TKTL1: variants seen among roughly 807,000 people sequenced by gnomAD.
The protein encoded by TKTL1 is transketolase-like protein 1.
A neutral mutation model predicts 39.3 loss-of-function variants in TKTL1; 1 was observed. The ratio of observed to expected loss-of-function variants is 0.03; its 90% CI spans 0.01 to 0.12. The LOEUF (loss-of-function observed/expected upper bound fraction) is 0.12. Among genes scored for constraint, TKTL1 ranks in the 10% least tolerant of loss-of-function variants. The probability of loss-of-function intolerance (pLI) is 1.00; values close to 1 mark genes in which losing one functional copy is unlikely to be tolerated. For missense variants in TKTL1, 575 were observed against 509.6 expected (o/e 1.13, Z -1.24); for synonymous variants, 262 against 193.8 (o/e 1.35, Z -2.92).
chrX:154,304,916 A>G (rs1489591103), intron 1 of TKTL1: 17 of 807,240 alleles, frequency 2.1e-5, no homozygotes, highest in Non-Finnish European at 2.5e-5. Context: ...TTCACTTCCT[A>G]AAAGAAATTC....
At chrX:154,302,842 G>A (rs2067284262) in intron 1 of TKTL1, among the ~76,000 whole-genome samples, 1 of 111,522 alleles carries the variant, frequency 9.0e-6, no homozygotes, top group African/African-American at 3.3e-5. Context: ...AGAAACGCAG[G>A]AGAAAAGGTC....
At position 154,323,350 on chromosome X, in the gene TKTL1, G is replaced by T. The variant is rs782696591; in HGVS notation, c.1317+13G>T. 1.2e-5 allele frequency: 15 copies of T among 1,209,458 alleles called. No homozygotes were observed. Among genetic ancestry groups the T allele is most frequent in the Non-Finnish European group, 1.7e-5 (15 of 894,446 alleles). On this transcript the variant is annotated intron_variant, in intron 9 of 12. Transcript: ENST00000369915. ...AGCCAATGCCAAGGTATTTTTAAGG[G>T]GACACTAGTTTCAGACAGAAAATGC...
chrX:154,299,699 T>G (rs782571740), intron 1 of TKTL1, among the ~76,000 whole-genome samples: 14 of 111,291 alleles, frequency 1.3e-4, no homozygotes, highest in Non-Finnish European at 2.3e-4. Context: ...ACATACAGTA[T>G]TTGGTTTTCT....
chrX:154,297,413 G>A (rs1215520928), intron 1 of TKTL1, among the ~76,000 whole-genome samples: 1 of 110,448 alleles, frequency 9.1e-6, no homozygotes. Flanking sequence ...CCGCCACCAC[G>A]CCTGGCTAAT....
chrX:154,314,411 G>T (rs1217427301), intron 6 of TKTL1, among the ~76,000 whole-genome samples: 2 of 111,712 alleles, frequency 1.8e-5, no homozygotes, highest in Non-Finnish European at 3.8e-5. Context: ...AATTAGTAAT[G>T]CAGATGACTC....
intron 7 of TKTL1, chrX:154,320,372 G>A (rs1557170321): frequency 5.0e-6 from 1 of 199,863 alleles, no homozygotes; most frequent in Non-Finnish European, 9.2e-6. Context: ...CACCTGAATG[G>A]AAATAGAATG....
At chrX:154,314,365 A>G (rs1311078401) in intron 6 of TKTL1, among the ~76,000 whole-genome samples, 1 of 111,624 alleles carries the variant, frequency 9.0e-6, no homozygotes, top group East Asian at 2.8e-4. Flanking sequence ...CAACTTCATT[A>G]GTACATTAAA....
At chrX:154,325,486 C>A in intron 10 of TKTL1, 64 bp downstream of exon 10, 1 of 925,883 alleles carries the variant, frequency 1.1e-6, no homozygotes, top group Non-Finnish European at 1.6e-6. Flanking sequence ...ACTTCTGAAT[C>A]TATCACCAGC....
chrX:154,323,717 A>G (rs917522445), intron 9 of TKTL1, among the ~76,000 whole-genome samples: 4 of 112,508 alleles, frequency 3.6e-5, no homozygotes, highest in African/African-American at 1.3e-4. Context: ...CCAGAGGCCA[A>G]GAAGCTCCTG....
chrX:154,312,662 G>A lies in TKTL1; in HGVS notation c.753G>A (p.Gln251=), dbSNP rs1557168599. The A allele has an allele frequency of 2.5e-6, 3 of 1,210,113 alleles. No homozygotes were observed. Among genetic ancestry groups the A allele is most frequent in the Non-Finnish European group, 3.4e-6 (3 of 895,224 alleles). Residue 251 remains glutamine, a synonymous_variant, in exon 6 of 13, where the codon CAG becomes CAA. Coordinates refer to ENST00000369915, the MANE Select transcript of TKTL1 (RefSeq NM_012253.4). ...ADAIIKLIES[Q]IQTSRNLDPQ... ...CCATTATCAAATTAATTGAGAGCCA[G>A]ATACAGACCAGCAGGAATCTTGACC...
chrX:154,325,565 C>A, intron 10 of TKTL1, 143 bp downstream of exon 10: 2 of 506,532 alleles, frequency 3.9e-6, no homozygotes, highest in Non-Finnish European at 3.2e-6. Context: ...TGACCTTTAC[C>A]TGCTTTTCCT....
chrX:154,304,765 C>T (rs1229310077), intron 1 of TKTL1, among the ~76,000 whole-genome samples: 3 of 109,922 alleles, frequency 2.7e-5, no homozygotes, highest in Non-Finnish European at 5.7e-5. Flanking sequence ...CCCCTGCTGT[C>T]TTGTCCCCTC....
In TKTL1 at chrX:154,320,784, C is replaced by T. The variant is rs782148972; in HGVS notation, c.1057C>T (p.Arg353Cys). ...GAGCGTGGCTCTGGGCTGTGCCTCCCGTGGACGGACCATTGCTTTTGCTAG... is the reference window on the plus strand; with the variant it reads ...GAGCGTGGCTCTGGGCTGTGCCTCCTGTGGACGGACCATTGCTTTTGCTAG... Reference protein sequence around the residue: ...MVSVALGCASRGRTIAFASTF... With the variant: ...MVSVALGCASCGRTIAFASTF... The change falls in exon 8 of 13, where the codon CGT becomes TGT. Residue 353 changes from arginine (R) to cysteine (C), a missense_variant. Transcript: ENST00000369915. 5.8e-6 allele frequency: 7 copies of T among 1,211,062 alleles called. No homozygotes were observed. Among genetic ancestry groups the T allele is most frequent in the East Asian group, 3.0e-5 (1 of 33,832 alleles).
chrX:154,320,894 C>T lies in TKTL1; in HGVS notation c.1167C>T (p.Ser389=). The change falls in exon 8 of 13, where the codon TCC becomes TCT. Residue 389 remains serine, a synonymous_variant. Transcript: ENST00000369915. ...LAESNINIIG[S]HCGVSVGDDG... The stretch of plus-strand genomic sequence containing the variant: ...AGAGCAACATCAACATTATTGGTTC[C>T]CACTGTGGGGTATCTGTTGGTAAGG... The T allele has an allele frequency of 8.3e-7, 1 of 1,211,607 alleles. No individual in the cohort carries two copies. The highest frequency in any genetic ancestry group is 1.8e-5 in the South Asian group (1 of 56,979).
At chrX:154,325,315 A>G (rs782581175) in intron 9 of TKTL1, 24 bp from the exon 10 acceptor site, 2 of 1,190,318 alleles carry the variant, frequency 1.7e-6, no homozygotes, top group South Asian at 1.8e-5. Context: ...GCTTTTCTAA[A>G]CCATGGCTCC....
At position 154,310,043 on chromosome X, in the gene TKTL1, T is replaced by G. The variant is rs782637473; in HGVS notation, c.350+601T>G. ...AGCCACTGTGCCTGGCCAGATGTGT[T>G]TTCTTGATGCGAACACTCACGTCGT... On this transcript the variant is annotated intron_variant, in intron 3 of 12. Coordinates refer to ENST00000369915, the MANE Select transcript of TKTL1 (RefSeq NM_012253.4). Among the ~76,000 whole-genome samples, 16 of 111,163 alleles carry G rather than the reference T, an allele frequency of 1.4e-4. No individual in the cohort carries two copies. In the South Asian group the frequency reaches 3.1e-3, roughly 21 times the overall value.
intron 1 of TKTL1, 43 bp from the exon 2 acceptor site, chrX:154,305,261 C>T (rs1557166984): frequency 1.7e-6 from 2 of 1,195,712 alleles, no homozygotes; most frequent in Admixed American, 2.2e-5. Context: ...TGCTAGGAAG[C>T]CAGTTGCTGT....
At chrX:154,324,335 C>T (rs1363865867) in intron 9 of TKTL1, among the ~76,000 whole-genome samples, 4 of 111,670 alleles carry the variant, frequency 3.6e-5, no homozygotes. Flanking sequence ...GACAGGGTTT[C>T]GCCATGTTGG....
At chrX:154,296,376 A>G (rs782506255) in intron 1 of TKTL1, among the ~76,000 whole-genome samples, 7 of 110,160 alleles carry the variant, frequency 6.4e-5, no homozygotes, top group Non-Finnish European at 1.3e-4. Flanking sequence ...AGCGGGGAGC[A>G]GGGCTTCCCT....
Sources: allele counts gnomAD v4.1 joint callset (sites outside exome capture counted in the v4.1 genomes callset), GRCh38; gene constraint gnomAD v4.1.1; transcripts MANE v1.5; gene names NCBI Gene and HGNC (gene_info 2026-07-23, HGNC 2026-07-21).